The following FOXP2 variants were observed in gnomAD, a reference collection of about 807,000 sequenced individuals.
The protein encoded by FOXP2 is forkhead box protein P2.
A neutral mutation model predicts 115.8 loss-of-function variants in FOXP2; 12 were observed. The observed-to-expected ratio is 0.10, with a 90% CI of 0.07 to 0.17. FOXP2 has a LOEUF of 0.17. Ranked by LOEUF, FOXP2 falls within the 10% of genes least tolerant of loss-of-function variation. The probability of loss-of-function intolerance (pLI) is 1.00; values close to 1 mark genes in which losing one functional copy is unlikely to be tolerated. For synonymous variants in FOXP2, 328 were observed against 297.7 expected (o/e 1.10, Z -1.05); for missense variants, 629 against 843.5 (o/e 0.75, Z 3.15).
chr7:114,258,916 G>C (rs955137032), intron 1 of FOXP2, among the ~76,000 whole-genome samples: 4 of 152,118 alleles, frequency 2.6e-5, no homozygotes, highest in African/African-American at 9.7e-5. Flanking sequence ...TAATAGTTTA[G>C]CATCTCGATT....
At chr7:114,542,313 C>T (rs531103494) in intron 3 of FOXP2, among the ~76,000 whole-genome samples, 15 of 152,122 alleles carry the variant, frequency 9.9e-5, no homozygotes, top group Non-Finnish European at 1.5e-4. Context: ...GATATTCTAA[C>T]ATATCATTTT....
intron 1 of FOXP2, among the ~76,000 whole-genome samples, chr7:114,176,298 T>TCTCTCTC (rs1554426475): frequency 3.9e-5 from 3 of 76,576 alleles, no homozygotes; most frequent in Admixed American, 1.5e-4. Flanking sequence ...CTTTCTTTCT[T>TCTCTCTC]TCTCTCTCTC....
intron 1 of FOXP2, among the ~76,000 whole-genome samples, chr7:114,111,811 A>G (rs1791274508): frequency 6.6e-6 from 1 of 152,056 alleles, no homozygotes; most frequent in South Asian, 2.1e-4. Context: ...AGCTGCTTCG[A>G]AAAACTTCAC....
intron 3 of FOXP2, among the ~76,000 whole-genome samples, chr7:114,567,541 T>A (rs1028453861): frequency 6.6e-6 from 1 of 152,168 alleles, no homozygotes; most frequent in Admixed American, 6.6e-5. Flanking sequence ...AAGTTAATGT[T>A]GAAAGTCCAT....
rs1230325578 is a variant in FOXP2 at position 114,118,722 on chromosome 7, T to C, written c.-247+30884T>C. On this transcript the variant is annotated intron_variant, in intron 1 of 19. Coordinates refer to the FOXP2 transcript ENST00000635638. ...TTGCTGGATGCCAGCGACCCCAAGA[T>C]CCATGTGTCACCTGATCCTTAGAGT... 2.6e-5 allele frequency among the ~76,000 whole-genome samples: 4 copies of C among 152,090 alleles called. No homozygotes were observed. In the East Asian group the frequency reaches 7.7e-4, roughly 29 times the overall value.
At chr7:114,215,961 C>T (rs1005501073) in intron 1 of FOXP2, among the ~76,000 whole-genome samples, 1 of 152,140 alleles carries the variant, frequency 6.6e-6, no homozygotes, top group Admixed American at 6.5e-5. Context: ...AAACAGGCTT[C>T]ACCTCTAAAT....
At chr7:114,306,816 A>T (rs1171240995) in intron 2 of FOXP2, among the ~76,000 whole-genome samples, 1 of 151,898 alleles carries the variant, frequency 6.6e-6, no homozygotes, top group Non-Finnish European at 1.5e-5. Context: ...GGCTGCCTAC[A>T]TTTCTTGGCT....
At chr7:114,610,457 C>T (rs1230266189) in intron 3 of FOXP2, among the ~76,000 whole-genome samples, 1 of 151,868 alleles carries the variant, frequency 6.6e-6, no homozygotes, top group Non-Finnish European at 1.5e-5. Context: ...GTAACAGAAT[C>T]GTAAGTGAAT....
intron 3 of FOXP2, among the ~76,000 whole-genome samples, chr7:114,623,032 A>C (rs905422765): frequency 6.6e-6 from 1 of 151,930 alleles, no homozygotes; most frequent in Non-Finnish European, 1.5e-5. Context: ...TGAGCACTCA[A>C]GTATTCTAAT....
At chr7:114,416,070 A>G (rs1407162956) in intron 1 of FOXP2, among the ~76,000 whole-genome samples, 2 of 151,996 alleles carry the variant, frequency 1.3e-5, no homozygotes, top group Non-Finnish European at 2.9e-5. Flanking sequence ...CGTGTCAGTT[A>G]AAAAGGTAGC....
chr7:114,219,971 A>G (rs762361296), intron 1 of FOXP2, among the ~76,000 whole-genome samples: 20 of 150,880 alleles, frequency 1.3e-4, no homozygotes, highest in African/African-American at 1.7e-4. Context: ...GGTTCAAGAG[A>G]TTCTCCTGCC....
intron 2 of FOXP2, among the ~76,000 whole-genome samples, chr7:114,530,405 G>A (rs773722980): frequency 9.2e-5 from 14 of 151,800 alleles, no homozygotes; most frequent in South Asian, 8.3e-4. Context: ...ATTAATGGGC[G>A]TAGATGTCAT....
At chr7:114,385,043 T>TC (rs981091094) in intron 2 of FOXP2, among the ~76,000 whole-genome samples, 5 of 151,582 alleles carry the variant, frequency 3.3e-5, no homozygotes, top group East Asian at 3.9e-4. Context: ...TGTCTCTCTC[T>TC]CCCCCCCTCT....
intron 2 of FOXP2, among the ~76,000 whole-genome samples, chr7:114,359,437 A>G (rs1441240843): frequency 1.3e-5 from 2 of 152,188 alleles, no homozygotes; most frequent in African/African-American, 4.8e-5. Context: ...ACTGCCTAGA[A>G]GAGCTGTGGG....
At chr7:114,215,029 G>A (rs907784450) in intron 1 of FOXP2, among the ~76,000 whole-genome samples, 1 of 152,058 alleles carries the variant, frequency 6.6e-6, no homozygotes, top group Non-Finnish European at 1.5e-5. Context: ...TCCATCTTGA[G>A]TTGCACTATT....
chr7:114,112,122 C>T (rs1791283493), intron 1 of FOXP2, among the ~76,000 whole-genome samples: 1 of 151,928 alleles, frequency 6.6e-6, no homozygotes, highest in Non-Finnish European at 1.5e-5. Flanking sequence ...AAGAGTGTGC[C>T]ACAAATGCTA....
chr7:114,429,416 C>G (rs1794008821), intron 2 of FOXP2, among the ~76,000 whole-genome samples: 1 of 151,448 alleles, frequency 6.6e-6, no homozygotes, highest in African/African-American at 2.4e-5. Flanking sequence ...ATGAATTTCT[C>G]TCTCCTTCAT....
At chr7:114,639,599 T>C (rs903237955) in intron 6 of FOXP2, among the ~76,000 whole-genome samples, 4 of 151,690 alleles carry the variant, frequency 2.6e-5, no homozygotes, top group Non-Finnish European at 4.4e-5. Context: ...GTTGATAGTA[T>C]GGTTGGAAAC....
At chr7:114,192,524 G>T (rs1205599626) in intron 1 of FOXP2, among the ~76,000 whole-genome samples, 1 of 152,142 alleles carries the variant, frequency 6.6e-6, no homozygotes, top group Non-Finnish European at 1.5e-5. Flanking sequence ...AGGTTGTGTA[G>T]TAAGGCCATG....
Sources: allele counts gnomAD v4.1 joint callset (sites outside exome capture counted in the v4.1 genomes callset), GRCh38; gene constraint gnomAD v4.1.1; transcripts MANE v1.5; gene names NCBI Gene and HGNC (gene_info 2026-07-23, HGNC 2026-07-21).